HMBOX1: variants seen among roughly 807,000 people sequenced by gnomAD.
The protein encoded by HMBOX1 is homeobox containing 1, also known as homeobox-containing protein 1.
In HMBOX1, 14 loss-of-function variants were observed where a neutral mutation model predicts 54.5. The observed-to-expected ratio is 0.26, with a 90% CI of 0.17 to 0.40. HMBOX1 has a LOEUF of 0.40. Ranked by LOEUF, HMBOX1 falls within the 10% of genes least tolerant of loss-of-function variation. The pLI, the probability that HMBOX1 is intolerant of heterozygous loss-of-function variation, is 1.00. For missense variants in HMBOX1, 332 were observed against 514.4 expected (o/e 0.65, Z 3.43); for synonymous variants, 160 against 181.0 (o/e 0.88, Z 0.93).
At chr8:29,015,073 GT>G (rs1834807859) in intron 5 of HMBOX1, among the ~76,000 whole-genome samples, 1 of 151,726 alleles carries the variant, frequency 6.6e-6, no homozygotes, top group Non-Finnish European at 1.5e-5. Context: ...TTCCTGCCCA[GT>G]TTTATTTCAT....
At chr8:29,030,489 G>A (rs867367758) in intron 6 of HMBOX1, among the ~76,000 whole-genome samples, 6 of 152,094 alleles carry the variant, frequency 3.9e-5, no homozygotes, top group South Asian at 2.1e-4. Context: ...AAACTGCTGG[G>A]ATTACAGGTG....
At chr8:29,038,149 G>T (rs976698680) in intron 6 of HMBOX1, among the ~76,000 whole-genome samples, 3 of 152,144 alleles carry the variant, frequency 2.0e-5, no homozygotes, top group Non-Finnish European at 4.4e-5. Context: ...AATTTTTATA[G>T]ACTTCAGTGT....
chr8:28,990,274 A>T (rs370738055), intron 4 of HMBOX1, among the ~76,000 whole-genome samples: 41 of 152,308 alleles, frequency 2.7e-4, no homozygotes, highest in Non-Finnish European at 5.4e-4. Flanking sequence ...TAGGGAGGAA[A>T]CATTCAGTTT....
intron 1 of HMBOX1, among the ~76,000 whole-genome samples, chr8:28,960,867 A>G (rs968994761): frequency 2.3e-4 from 31 of 136,990 alleles, no homozygotes; most frequent in African/African-American, 7.7e-4. Context: ...GCTCACTGCA[A>G]CCTCTGCCTC....
At chr8:29,016,754 T>C (rs1429082474) in intron 5 of HMBOX1, among the ~76,000 whole-genome samples, 2 of 152,220 alleles carry the variant, frequency 1.3e-5, no homozygotes, top group African/African-American at 2.4e-5. Flanking sequence ...CCTCACAACA[T>C]GGGCCTCACC....
chr8:29,047,558 AC>A, intron 8 of HMBOX1, 105 bp downstream of exon 8: 1 of 536,024 alleles, frequency 1.9e-6, no homozygotes, highest in East Asian at 3.5e-5. Context: ...AAGGATCCTA[AC>A]TTCTCTTTTT....
chr8:29,033,741 C>G (rs1803391216), intron 6 of HMBOX1, among the ~76,000 whole-genome samples: 1 of 152,142 alleles, frequency 6.6e-6, no homozygotes, highest in Non-Finnish European at 1.5e-5. Context: ...CAAAAGACCC[C>G]ACGTTCCTCA....
At chr8:28,931,623 C>T (rs549900379) in intron 1 of HMBOX1, among the ~76,000 whole-genome samples, 60 of 152,126 alleles carry the variant, frequency 3.9e-4, no homozygotes, top group African/African-American at 1.3e-3. Flanking sequence ...CTCACTGCAG[C>T]CTCTACCTCC....
chr8:28,893,494 T>G (rs1381161034), intron 1 of HMBOX1, among the ~76,000 whole-genome samples: 1 of 152,206 alleles, frequency 6.6e-6, no homozygotes, highest in East Asian at 1.9e-4. Context: ...TAGTGAACAC[T>G]ATGTATGGTC....
intron 1 of HMBOX1, among the ~76,000 whole-genome samples, chr8:28,930,107 C>T (rs896932404): frequency 5.3e-5 from 8 of 152,074 alleles, no homozygotes; most frequent in African/African-American, 1.4e-4. Context: ...GAATGAGTGA[C>T]AGAGGTTCTA....
At chr8:28,934,425 G>A (rs1447198928) in intron 1 of HMBOX1, among the ~76,000 whole-genome samples, 3 of 152,106 alleles carry the variant, frequency 2.0e-5, no homozygotes, top group African/African-American at 4.8e-5. Context: ...ATTTCTGCAG[G>A]TACTACTGCT....
rs190594889 is a variant in HMBOX1, at chr8:29,001,320, C to T, written c.587-7752C>T. On this transcript the variant is annotated intron_variant, in intron 4 of 9. Transcript: ENST00000287701. Reference sequence around the variant, plus strand: ...ATCCAGGTACTCTGGGAGGCCAAGGCGGGTGGCTCACCTAAGGTCAGGAGT... The same window carrying T: ...ATCCAGGTACTCTGGGAGGCCAAGGTGGGTGGCTCACCTAAGGTCAGGAGT... Among the ~76,000 whole-genome samples, 264 of 152,252 alleles carry T rather than the reference C, an allele frequency of 1.7e-3. 1 individual carries two copies. Among genetic ancestry groups the T allele is most frequent in the Non-Finnish European group, 5.3e-4 (36 of 68,006 alleles).
At chr8:29,039,213 T>C (rs978486372) in intron 6 of HMBOX1, among the ~76,000 whole-genome samples, 1 of 152,218 alleles carries the variant, frequency 6.6e-6, no homozygotes, top group Non-Finnish European at 1.5e-5. Context: ...TGGTTCACCT[T>C]TGCCACCATT....
chr8:29,046,845 G>C (rs1428160555), intron 7 of HMBOX1, among the ~76,000 whole-genome samples: 2 of 152,196 alleles, frequency 1.3e-5, no homozygotes, highest in African/African-American at 2.4e-5. Flanking sequence ...AGCCTGGTAT[G>C]GTGGCCTGGG....
chr8:29,003,336 T>G (rs1832915626), intron 4 of HMBOX1, among the ~76,000 whole-genome samples: 1 of 151,624 alleles, frequency 6.6e-6, no homozygotes. Context: ...TAGGTTCATG[T>G]TTTAATAAAT....
intron 5 of HMBOX1, among the ~76,000 whole-genome samples, chr8:29,014,015 T>TG (rs1459520616): frequency 6.6e-6 from 1 of 151,934 alleles, no homozygotes; most frequent in African/African-American, 2.4e-5. Context: ...GTGTGTGACA[T>TG]GGGGGAAGAT....
intron 6 of HMBOX1, among the ~76,000 whole-genome samples, chr8:29,020,731 T>C (rs1403306819): frequency 6.6e-6 from 1 of 152,246 alleles, no homozygotes; most frequent in Non-Finnish European, 1.5e-5. Flanking sequence ...ATTTTTGTTC[T>C]GTAAAAATGG....
chr8:28,952,509 C>T (rs1823657954), intron 1 of HMBOX1, among the ~76,000 whole-genome samples: 1 of 152,194 alleles, frequency 6.6e-6, no homozygotes, highest in Non-Finnish European at 1.5e-5. Context: ...GCTGGGATTA[C>T]AGGCATTAGG....
At chr8:28,983,333 A>C (rs1393898390) in intron 4 of HMBOX1, among the ~76,000 whole-genome samples, 1 of 152,066 alleles carries the variant, frequency 6.6e-6, no homozygotes, top group Non-Finnish European at 1.5e-5. Flanking sequence ...GCTGAATTTC[A>C]CTATTTGCCA....
Sources: gnomAD v4.1 joint callset for allele counts (sites outside exome capture counted in the v4.1 genomes callset) on GRCh38, gnomAD v4.1.1 for gene constraint, MANE v1.5 for transcripts, NCBI Gene and HGNC (gene_info 2026-07-23, HGNC 2026-07-21) for gene names.